TAOK1: variants seen among roughly 807,000 people sequenced by gnomAD.
The protein encoded by TAOK1 is TAO kinase 1, also known as serine/threonine-protein kinase TAO1.
A neutral mutation model predicts 138.3 loss-of-function variants in TAOK1; 21 were observed. That is an observed-to-expected ratio of 0.15 (90% CI 0.11 to 0.22). The LOEUF is 0.22. TAOK1 is among the 10% of genes least tolerant of loss of function. TAOK1 has a pLI of 1.00. For synonymous variants in TAOK1, 361 were observed against 398.4 expected, an observed-to-expected ratio of 0.91 and a Z score of 1.12; for missense variants, 651 against 1,227.7, an observed-to-expected ratio of 0.53 and a Z score of 7.02.
At chr17:29,432,850 C>G (rs1342898325) in intron 1 of TAOK1, among the ~76,000 whole-genome samples, 2 of 151,890 alleles carry the variant, frequency 1.3e-5, no homozygotes, top group African/African-American at 4.8e-5. Context: ...ACCTTAAACT[C>G]CTGTGCTCAA....
intron 18 of TAOK1, among the ~76,000 whole-genome samples, chr17:29,531,663 G>A (rs1395525910): frequency 1.3e-5 from 2 of 151,484 alleles, no homozygotes; most frequent in South Asian, 4.2e-4. Flanking sequence ...CTCTGGAGGC[G>A]GAGGCGGGAG....
intron 1 of TAOK1, among the ~76,000 whole-genome samples, chr17:29,435,426 A>G (rs997206439): frequency 6.6e-6 from 1 of 152,210 alleles, no homozygotes; most frequent in Non-Finnish European, 1.5e-5. Context: ...TGCCTAAAGT[A>G]TAGCAAGAAT....
intron 19 of TAOK1, among the ~76,000 whole-genome samples, chr17:29,540,350 T>TTTTGTTTGTTTG (rs35111957): frequency 3.5e-4 from 52 of 149,912 alleles, no homozygotes; most frequent in African/African-American, 1.2e-3. Flanking sequence ...TTTTTTCTGT[T>TTTTGTTTGTTTG]TTTGTTTGTT....
chr17:29,439,901 A>G (rs1442013543), intron 1 of TAOK1, among the ~76,000 whole-genome samples: 2 of 150,202 alleles, frequency 1.3e-5, no homozygotes, highest in Middle Eastern at 3.4e-3. Flanking sequence ...TTTTTTTAAG[A>G]TAGTCTGTAA....
chr17:29,426,108 C>T (rs1349303614), intron 1 of TAOK1, among the ~76,000 whole-genome samples: 1 of 152,114 alleles, frequency 6.6e-6, no homozygotes, highest in Non-Finnish European at 1.5e-5. Context: ...TCTCGATCTC[C>T]TGACCTCGTG....
intron 16 of TAOK1, among the ~76,000 whole-genome samples, chr17:29,519,656 A>G (rs1041099946): frequency 6.6e-6 from 1 of 152,220 alleles, no homozygotes; most frequent in African/African-American, 2.4e-5. Context: ...AATAAATTCA[A>G]ATTAAAACAG....
chr17:29,425,445 G>T (rs1015433955), intron 1 of TAOK1, among the ~76,000 whole-genome samples: 1 of 152,146 alleles, frequency 6.6e-6, no homozygotes, highest in East Asian at 1.9e-4. Flanking sequence ...TTGGGAGGCC[G>T]AGCCGGGTGG....
chr17:29,494,489 A>G (rs1464240800), intron 10 of TAOK1, among the ~76,000 whole-genome samples: 2 of 152,094 alleles, frequency 1.3e-5, no homozygotes, highest in Admixed American at 1.3e-4. Context: ...TTGCATAAAA[A>G]AGAAATAAAT....
chr17:29,530,259 C>A, intron 17 of TAOK1, 148 bp from the exon 18 acceptor site: 1 of 680,402 alleles, frequency 1.5e-6, no homozygotes, highest in Non-Finnish European at 2.5e-6. Context: ...TAGCCAAGTG[C>A]AAAAAGTACC....
intron 2 of TAOK1, among the ~76,000 whole-genome samples, chr17:29,464,456 AAAG>A (rs1008745280): frequency 2.0e-5 from 3 of 151,874 alleles, no homozygotes; most frequent in African/African-American, 7.2e-5. Flanking sequence ...AAAAAAAAAA[AAAG>A]AAAAAAAAAA....
chr17:29,467,863 A>AC (rs1474103368), intron 3 of TAOK1, among the ~76,000 whole-genome samples: 2 of 150,110 alleles, frequency 1.3e-5, no homozygotes, highest in Non-Finnish European at 3.0e-5. Context: ...TCGCTCTGTC[A>AC]CCTAAGCTGG....
rs1054421420 is a variant in TAOK1, at chr17:29,392,715, A to C, written c.-95+1691A>C. On this transcript the variant is annotated intron_variant, in intron 1 of 19. Transcript: ENST00000261716. ...TAATTTTTTCCCAAAGTGAAGAAGAAGACTAAAATGTGTACAGATAATGAG... is the reference window on the plus strand; with the variant it reads ...TAATTTTTTCCCAAAGTGAAGAAGACGACTAAAATGTGTACAGATAATGAG... Among the ~76,000 whole-genome samples the C allele has an allele frequency of 6.6e-5, 10 of 152,224 alleles. No homozygotes were observed. In the South Asian group the frequency reaches 8.3e-4, roughly 13 times the overall value.
intron 2 of TAOK1, among the ~76,000 whole-genome samples, chr17:29,456,279 G>A (rs1012620209): frequency 2.0e-5 from 3 of 150,078 alleles, no homozygotes; most frequent in African/African-American, 7.6e-5. Context: ...ACCCGTCCAT[G>A]AGGTGGAGGT....
intron 8 of TAOK1, among the ~76,000 whole-genome samples, chr17:29,488,355 G>C (rs2031216114): frequency 6.6e-6 from 1 of 151,952 alleles, no homozygotes; most frequent in Non-Finnish European, 1.5e-5. Context: ...TAGATCACCT[G>C]AGGTTGGGAG....
intron 1 of TAOK1, among the ~76,000 whole-genome samples, chr17:29,417,892 C>T (rs1490343032): frequency 2.0e-5 from 3 of 152,054 alleles, no homozygotes; most frequent in Admixed American, 2.0e-4. Flanking sequence ...TCTCTTCTCT[C>T]TCTTTCTTTT....
intron 1 of TAOK1, among the ~76,000 whole-genome samples, chr17:29,423,373 G>A (rs1036878689): frequency 3.3e-5 from 5 of 151,390 alleles, no homozygotes; most frequent in East Asian, 3.9e-4. Context: ...CCGCCACCAC[G>A]CCCGGCTAAT....
At chr17:29,468,634 A>C (rs2030740444) in intron 3 of TAOK1, among the ~76,000 whole-genome samples, 1 of 149,548 alleles carries the variant, frequency 6.7e-6, no homozygotes, top group African/African-American at 2.5e-5. Flanking sequence ...TGTAACCTCC[A>C]CCTCCCAGGT....
intron 6 of TAOK1, 121 bp from the exon 7 acceptor site, chr17:29,480,247 C>A: frequency 1.6e-6 from 1 of 606,368 alleles, no homozygotes; most frequent in Non-Finnish European, 2.7e-6. Flanking sequence ...TGAGATTACC[C>A]CAGCACTTAA....
intron 17 of TAOK1, among the ~76,000 whole-genome samples, chr17:29,526,902 G>A (rs1239316780): frequency 6.6e-6 from 1 of 150,864 alleles, no homozygotes; most frequent in Non-Finnish European, 1.5e-5. Flanking sequence ...GTTGACGTGG[G>A]CAGATCACAA....
Sources: gnomAD v4.1 joint callset for allele counts (sites outside exome capture counted in the v4.1 genomes callset) on GRCh38, gnomAD v4.1.1 for gene constraint, MANE v1.5 for transcripts, NCBI Gene and HGNC (gene_info 2026-07-23, HGNC 2026-07-21) for gene names.